LRP6: variants seen among roughly 807,000 people sequenced by gnomAD.
LRP6 encodes the protein low-density lipoprotein receptor-related protein 6.
A neutral mutation model predicts 184.1 loss-of-function variants in LRP6; 43 were observed. The ratio of observed to expected loss-of-function variants is 0.23; its 90% confidence interval spans 0.18 to 0.30. The LOEUF (loss-of-function observed/expected upper bound fraction) is 0.30, where lower values mean the gene tolerates loss of function less well. LRP6 is among the 10% of genes least tolerant of loss of function. The pLI is 1.00. For missense variants in LRP6, 1,571 were observed against 2,005.3 expected, an observed-to-expected ratio of 0.78 and a Z score of 4.14; for synonymous variants, 719 against 684.9, an observed-to-expected ratio of 1.05 and a Z score of -0.78.
At chr12:12,154,953 T>G (rs1950130426) in intron 12 of LRP6, among the ~76,000 whole-genome samples, 1 of 152,136 alleles carries the variant, frequency 6.6e-6, no homozygotes, top group African/African-American at 2.4e-5. Flanking sequence ...CCCAGCATCT[T>G]GGGAGGCCAA....
At chr12:12,185,502 GC>G (rs1278729202) in intron 4 of LRP6, among the ~76,000 whole-genome samples, 3 of 152,126 alleles carry the variant, frequency 2.0e-5, no homozygotes, top group Admixed American at 2.0e-4. Flanking sequence ...AACATATGTT[GC>G]AAAATCTCTT....
chr12:12,182,556 A>C (rs1181227087), intron 5 of LRP6, among the ~76,000 whole-genome samples: 2 of 152,250 alleles, frequency 1.3e-5, no homozygotes, highest in African/African-American at 4.8e-5. Context: ...AATGAGTCCA[A>C]AACAAAATAC....
At chr12:12,161,163 G>T (rs146121575) in intron 10 of LRP6, among the ~76,000 whole-genome samples, 1 of 152,312 alleles carries the variant, frequency 6.6e-6, no homozygotes, top group African/African-American at 2.4e-5. Flanking sequence ...CAATATGTCA[G>T]TGCTGACTAG....
intron 7 of LRP6, among the ~76,000 whole-genome samples, chr12:12,174,118 C>CT (rs371537696): frequency 3.7e-4 from 53 of 144,106 alleles, no homozygotes; most frequent in Admixed American, 6.9e-4. Flanking sequence ...ATCAATCTTT[C>CT]TTTTTTTTTT....
At chr12:12,190,239 GC>G (rs1863577395) in intron 3 of LRP6, among the ~76,000 whole-genome samples, 1 of 152,146 alleles carries the variant, frequency 6.6e-6, no homozygotes, top group African/African-American at 2.4e-5. Context: ...TACCAAGTAA[GC>G]CTACCTCCTG....
intron 1 of LRP6, among the ~76,000 whole-genome samples, chr12:12,256,601 G>A (rs1865471586): frequency 6.6e-6 from 1 of 152,092 alleles, no homozygotes; most frequent in African/African-American, 2.4e-5. Flanking sequence ...GAGGTCAGGA[G>A]GTCAAGACCA....
At position 12,133,855 on chromosome 12, in the gene LRP6, G is replaced by C. The variant is rs567667018; in HGVS notation, c.3733+1320C>G. On this transcript the variant is annotated intron_variant, in intron 17 of 22. Transcript: ENST00000261349. The stretch of plus-strand genomic sequence containing the variant: ...ACACATGCTATTTTTTGGGGGGGGG[G>C]GGGGGGGAGGGTAAAGTAACCATAA... 1.1e-4 allele frequency among the ~76,000 whole-genome samples: 13 copies of C among 115,516 alleles called. 2 individuals carry two copies. The South Asian group carries it at 1.2e-3, about 10-fold the overall frequency. The allele number at this position is 115,516 out of a possible 152,430, so 75.8% of individuals were successfully genotyped here.
At chr12:12,122,479 C>G (rs1949618478) in intron 22 of LRP6, among the ~76,000 whole-genome samples, 1 of 152,118 alleles carries the variant, frequency 6.6e-6, no homozygotes, top group African/African-American at 2.4e-5. Flanking sequence ...TCCCAGGAAC[C>G]CAGGATACAA....
intron 7 of LRP6, among the ~76,000 whole-genome samples, chr12:12,174,522 C>A (rs1326241402): frequency 3.9e-5 from 6 of 152,156 alleles, no homozygotes; most frequent in African/African-American, 1.4e-4. Flanking sequence ...CTTATCTCAA[C>A]AATAGATTTA....
Position 12,116,072 on chromosome 12 carries a change from C to T in LRP6, c.*5054G>A, listed in dbSNP as rs868291037. On this transcript the variant is annotated 3_prime_UTR_variant, in exon 23 of 23. Coordinates refer to ENST00000261349, the MANE Select transcript of LRP6 (RefSeq NM_002336.3). ...TACAAAAATCAAATTTCATTTGTTA[C>T]AATTCAGCTTATTTATTGTAATAAT... is the stretch of plus-strand genomic sequence containing the variant. 2 of 152,224 alleles carry T rather than the reference C, an allele frequency of 1.3e-5. No homozygotes were observed. The highest frequency in any genetic ancestry group is 3.4e-3 in the Middle Eastern group (1 of 294). 9.4% of individuals were successfully genotyped at this position (152,224 alleles called of 1,614,324 possible).
chr12:12,257,484 G>A (rs1470493685), intron 1 of LRP6, among the ~76,000 whole-genome samples: 5 of 151,468 alleles, frequency 3.3e-5, no homozygotes, highest in Non-Finnish European at 7.4e-5. Flanking sequence ...GGGAAGCTGA[G>A]GCGGGAGAAT....
intron 3 of LRP6, among the ~76,000 whole-genome samples, chr12:12,188,819 G>C (rs1201236029): frequency 2.0e-5 from 3 of 152,162 alleles, no homozygotes; most frequent in Non-Finnish European, 4.4e-5. Flanking sequence ...ATTATTTACA[G>C]GGTGATGGCA....
chr12:12,205,334 A>C (rs1238260329), intron 2 of LRP6, among the ~76,000 whole-genome samples: 28 of 122,176 alleles, frequency 2.3e-4, no homozygotes, highest in Non-Finnish European at 3.6e-4. Context: ...ACAAACAAAA[A>C]AAAAAAAAAA....
intron 12 of LRP6, among the ~76,000 whole-genome samples, chr12:12,153,453 T>C (rs1950108369): frequency 6.6e-6 from 1 of 152,232 alleles, no homozygotes; most frequent in Non-Finnish European, 1.5e-5. Context: ...AGCAAAATTT[T>C]AACCTTCAAT....
intron 4 of LRP6, among the ~76,000 whole-genome samples, chr12:12,185,161 T>G (rs1863438501): frequency 6.6e-6 from 1 of 151,972 alleles, no homozygotes; most frequent in Admixed American, 6.6e-5. Flanking sequence ...TAGCCAGGTG[T>G]GGTGGCATAT....
rs573476599 is a variant in LRP6, at chr12:12,172,208, T to TTCA, written c.1546-6916_1546-6914dup. On this transcript the variant is annotated intron_variant, in intron 7 of 22. Transcript: ENST00000261349. Reference sequence around the variant, plus strand: ...AATCTGAACCAGAGTCTCCAGTGGTTTCAGCTGCTTTGACCACACTGTGGC... The same window carrying TTCA: ...AATCTGAACCAGAGTCTCCAGTGGTTTCATCAGCTGCTTTGACCACACTGTGGC... 1.3e-3 allele frequency among the ~76,000 whole-genome samples: 200 copies of TTCA among 152,348 alleles called. 1 individual carries two copies. Among genetic ancestry groups the TTCA allele is most frequent in the African/African-American group, 4.7e-3 (196 of 41,580 alleles).
At chr12:12,234,879 G>GA (rs60703962) in intron 2 of LRP6, among the ~76,000 whole-genome samples, 22,350 of 147,706 alleles carry the variant, frequency 0.15, 1,838 homozygotes, top group Non-Finnish European at 0.19. Flanking sequence ...TATAATAAAA[G>GA]AAAAAAAAAG....
chr12:12,131,097 A>ATTTTT lies in LRP6; in HGVS notation c.3971-209_3971-205dup, dbSNP rs35705276. On this transcript the variant is annotated intron_variant, in intron 18 of 22. Transcript: ENST00000261349. ...AAAATCCAGCAGGAAATTTCCTAAC[A>ATTTTT]TTTTTTTTTTTTTTTTTTTTTTTTT... Among the ~76,000 whole-genome samples the ATTTTT allele has an allele frequency of 9.3e-4, 73 of 78,190 alleles. 2 individuals are homozygous for ATTTTT. Among genetic ancestry groups the ATTTTT allele is most frequent in the South Asian group, 3.0e-3 (4 of 1,324 alleles). 51.3% of individuals were successfully genotyped at this position (78,190 alleles called of 152,430 possible).
At chr12:12,249,019 A>C in intron 1 of LRP6, 1 of 627,248 alleles carries the variant, frequency 1.6e-6, no homozygotes, top group Non-Finnish European at 2.9e-6. Flanking sequence ...CGGGGGTAAA[A>C]GTCCCTTGCA....
Sources: allele counts gnomAD v4.1 joint callset (sites outside exome capture counted in the v4.1 genomes callset), GRCh38; gene constraint gnomAD v4.1.1; transcripts MANE v1.5; gene names NCBI Gene and HGNC (gene_info 2026-07-23, HGNC 2026-07-21).